Variants in TSHZ3 observed in about 807,000 individuals in gnomAD.
The protein encoded by TSHZ3 is teashirt zinc finger homeobox 3, also known as teashirt homolog 3.
Under a neutral mutation model 64.5 loss-of-function variants are expected in TSHZ3, and 10 were observed. The ratio of observed to expected loss-of-function variants is 0.16; its 90% CI spans 0.10 to 0.26. The LOEUF is 0.26. TSHZ3 is among the 10% of genes least tolerant of loss of function. TSHZ3 has a pLI of 1.00. For synonymous variants in TSHZ3, 608 were observed against 593.1 expected, an observed-to-expected ratio of 1.03 and a Z score of -0.36; for missense variants, 1,242 against 1,421.7, an observed-to-expected ratio of 0.87 and a Z score of 2.03.
chr19:31,341,611 T>A (rs1917436999), intron 1 of TSHZ3, among the ~76,000 whole-genome samples: 1 of 115,422 alleles, frequency 8.7e-6, no homozygotes, highest in Non-Finnish European at 1.9e-5. Context: ...ATGCACTCAC[T>A]CTCTCTCTCT....
At chr19:31,350,619 G>A (rs2021691772), upstream of TSHZ3, among the ~76,000 whole-genome samples, 1 of 151,696 alleles carries the variant, frequency 6.6e-6, no homozygotes, top group Admixed American at 6.6e-5. Context: ...ATTGATTGGT[G>A]ATCGGGGTCG....
intron 1 of TSHZ3, among the ~76,000 whole-genome samples, chr19:31,253,780 C>A (rs1029853150): frequency 3.9e-5 from 6 of 152,146 alleles, no homozygotes; most frequent in African/African-American, 1.4e-4. Flanking sequence ...TAGAAAGGGC[C>A]AACTCCCTGT....
chr19:31,303,626 C>T (rs1458547261), intron 1 of TSHZ3, among the ~76,000 whole-genome samples: 1 of 152,124 alleles, frequency 6.6e-6, no homozygotes, highest in Non-Finnish European at 1.5e-5. Flanking sequence ...CCCGACCCCG[C>T]CCCATCTTCC....
At chr19:31,271,756 C>T (rs16965368), downstream of TSHZ3, among the ~76,000 whole-genome samples, 7 of 152,308 alleles carry the variant, frequency 4.6e-5, no homozygotes, top group South Asian at 1.4e-3. Flanking sequence ...AAAGATTACA[C>T]GTGCTCACTA....
chr19:31,176,978 T>G (rs1371674875), intron 5 of TSHZ3, among the ~76,000 whole-genome samples: 1 of 152,158 alleles, frequency 6.6e-6, no homozygotes, highest in Non-Finnish European at 1.5e-5. Context: ...TGGCAGTATC[T>G]ACCATGTGTA....
Position 31,337,720 on chromosome 19 carries a change from AACACACACACACAC to A in TSHZ3, c.40+11446_40+11459del, listed in dbSNP as rs372251116. On this transcript the variant is annotated intron_variant, in intron 1 of 1. Transcript: ENST00000240587. The stretch of plus-strand genomic sequence containing the variant: ...CTGCGAATAAAGTTATTTCAAAATA[AACACACACACACAC>A]ACACACACACACACACACAAAGTTG... Among the ~76,000 whole-genome samples, 135 of 146,074 alleles carry A rather than the reference AACACACACACACAC, an allele frequency of 9.2e-4. 2 individuals are homozygous for A. The Middle Eastern group carries it at 0.014, about 15-fold the overall frequency.
At chr19:31,292,550 T>C (rs1976583902) in intron 1 of TSHZ3, among the ~76,000 whole-genome samples, 1 of 152,148 alleles carries the variant, frequency 6.6e-6, no homozygotes, top group Non-Finnish European at 1.5e-5. Context: ...GGAAGGTAAA[T>C]GGATGGCTAA....
At chr19:31,327,090 C>A (rs1269716363) in intron 1 of TSHZ3, among the ~76,000 whole-genome samples, 4 of 151,972 alleles carry the variant, frequency 2.6e-5, no homozygotes, top group Non-Finnish European at 5.9e-5. Context: ...AAAAAAAAAA[C>A]CAGCAGAGGA....
intron 1 of TSHZ3, among the ~76,000 whole-genome samples, chr19:31,321,370 G>A (rs1599647046): frequency 6.6e-6 from 1 of 152,226 alleles, no homozygotes; most frequent in Non-Finnish European, 1.5e-5. Flanking sequence ...AGTGCCCCTA[G>A]GACATGCCCG....
intron 1 of TSHZ3, among the ~76,000 whole-genome samples, chr19:31,347,791 G>A (rs559415461): frequency 6.6e-6 from 1 of 152,140 alleles, no homozygotes; most frequent in Non-Finnish European, 1.5e-5. Flanking sequence ...TACATTTCTG[G>A]GAGAAGAGAG....
At chr19:31,264,034 C>T (rs974572659) in intron 1 of TSHZ3, among the ~76,000 whole-genome samples, 1 of 152,136 alleles carries the variant, frequency 6.6e-6, no homozygotes, top group Non-Finnish European at 1.5e-5. Context: ...CGACCAAAGA[C>T]CCCATGTAGA....
chr19:31,264,434 C>T (rs1000029176), intron 1 of TSHZ3, among the ~76,000 whole-genome samples: 3 of 152,188 alleles, frequency 2.0e-5, no homozygotes, highest in African/African-American at 7.2e-5. Context: ...CCTATCTGAA[C>T]GTTCCAGGCT....
chr19:31,191,177 G>A (rs188775301), intron 5 of TSHZ3, among the ~76,000 whole-genome samples: 49 of 152,046 alleles, frequency 3.2e-4, no homozygotes, highest in Middle Eastern at 3.4e-3. Flanking sequence ...ATATCAACAC[G>A]GTTGACACTG....
Position 31,279,409 on chromosome 19 carries a change from G to A in TSHZ3, c.384C>T (p.Asn128=). Residue 128 remains asparagine (N), a synonymous_variant, in exon 2 of 2, where the codon AAC becomes AAT. Transcript: ENST00000240587. The surrounding 1 kb of genome is among the most constrained non-coding windows in gnomAD (Gnocchi z 6.4). ...MKAVYNNFLS[N]SYWSNLNLNL... Reference sequence around the variant, plus strand: ...TGAGGTTGAGGTTGGACCAGTAGGAGTTGGAGAGGAAGTTGTTGTACACGG... The same window carrying A: ...TGAGGTTGAGGTTGGACCAGTAGGAATTGGAGAGGAAGTTGTTGTACACGG... 1 of 1,614,242 alleles carries A rather than the reference G, an allele frequency of 6.2e-7. No homozygotes were observed. Among genetic ancestry groups the A allele is most frequent in the Non-Finnish European group, 8.5e-7 (1 of 1,180,040 alleles).
At chr19:31,203,332 G>T (rs1161093758) in intron 5 of TSHZ3, among the ~76,000 whole-genome samples, 1 of 152,114 alleles carries the variant, frequency 6.6e-6, no homozygotes, top group Non-Finnish European at 1.5e-5. Flanking sequence ...GATAGGAGGA[G>T]ACCAGAGAGG....
intron 1 of TSHZ3, among the ~76,000 whole-genome samples, chr19:31,324,855 G>A (rs1916885889): frequency 6.6e-6 from 1 of 152,036 alleles, no homozygotes; most frequent in African/African-American, 2.4e-5. Context: ...TTCCGTAAGT[G>A]GAAAGTGAAG....
At chr19:31,158,136 G>A (rs892289779) in intron 5 of TSHZ3, among the ~76,000 whole-genome samples, 2 of 152,204 alleles carry the variant, frequency 1.3e-5, no homozygotes, top group Admixed American at 1.3e-4. Context: ...TTAAAAATGT[G>A]AGATTTATCT....
At chr19:31,162,386 A>C (rs1974383928) in intron 5 of TSHZ3, among the ~76,000 whole-genome samples, 1 of 152,308 alleles carries the variant, frequency 6.6e-6, no homozygotes, top group South Asian at 2.1e-4. Flanking sequence ...CTGTCAGATG[A>C]AACAATAATT....
At chr19:31,166,933 G>T (rs996597705) in intron 5 of TSHZ3, among the ~76,000 whole-genome samples, 7 of 152,284 alleles carry the variant, frequency 4.6e-5, no homozygotes, top group East Asian at 3.9e-4. Context: ...ACATTTTGGG[G>T]CCAGAGATGA....
Sources: gnomAD v4.1 joint callset for allele counts (sites outside exome capture counted in the v4.1 genomes callset) on GRCh38, gnomAD v4.1.1 for gene constraint, Gnocchi (gnomAD v3.1) non-coding constraint, MANE v1.5 for transcripts, NCBI Gene and HGNC (gene_info 2026-07-23, HGNC 2026-07-21) for gene names.